Variants in SLC16A12 observed in about 807,000 individuals in gnomAD.
The protein encoded by SLC16A12 is monocarboxylate transporter 12.
In SLC16A12, 17 loss-of-function variants were observed where a neutral mutation model predicts 42.4. That is an observed-to-expected ratio of 0.40 (90% CI 0.27 to 0.60). The LOEUF (loss-of-function observed/expected upper bound fraction) is 0.60, where lower values mean the gene tolerates loss of function less well. Among genes scored for constraint, SLC16A12 ranks in the 20% least tolerant of loss-of-function variants. SLC16A12 has a pLI of 0.42. For synonymous variants in SLC16A12, 224 were observed against 229.4 expected, an observed-to-expected ratio of 0.98 and a Z score of 0.21; for missense variants, 544 against 623.0, an observed-to-expected ratio of 0.87 and a Z score of 1.35.
intron 2 of SLC16A12, among the ~76,000 whole-genome samples, chr10:89,487,086 A>C (rs537495165): frequency 2.0e-5 from 3 of 152,346 alleles, no homozygotes; most frequent in African/African-American, 7.2e-5. Flanking sequence ...TGGCTGACTG[A>C]CAAGAAAGCT....
chr10:89,520,560 T>C (rs1843334312), intron 2 of SLC16A12, among the ~76,000 whole-genome samples: 1 of 152,022 alleles, frequency 6.6e-6, no homozygotes, highest in African/African-American at 2.4e-5. Flanking sequence ...AAAAGAACAG[T>C]AGAAACAAAA....
chr10:89,530,711 G>A (rs546359807), intron 2 of SLC16A12, among the ~76,000 whole-genome samples: 6 of 152,050 alleles, frequency 3.9e-5, no homozygotes, highest in African/African-American at 1.2e-4. Context: ...GAGCCACGGC[G>A]CCCGGCTGGT....
intron 2 of SLC16A12, among the ~76,000 whole-genome samples, chr10:89,511,147 T>C (rs993484436): frequency 6.6e-6 from 1 of 152,198 alleles, no homozygotes; most frequent in Non-Finnish European, 1.5e-5. Context: ...GTAAATTAGT[T>C]CAACCATTGT....
rs1841683725 is a variant in SLC16A12, at chr10:89,430,889, C to A, written c.*2175G>T. 2.9e-6 allele frequency: 1 copy of A among 345,182 alleles called. No individual in the cohort carries two copies. Among genetic ancestry groups the A allele is most frequent in the Non-Finnish European group, 5.6e-6 (1 of 179,750 alleles). The allele number at this position is 345,182 out of a possible 1,614,324, so 21.4% of individuals were successfully genotyped here. On this transcript the variant is annotated 3_prime_UTR_variant, in exon 8 of 8. Coordinates refer to ENST00000371790, the MANE Select transcript of SLC16A12 (RefSeq NM_213606.4). ...ATGTATAAGAATATTTGTAACTATT[C>A]ATATTTTTAAACATCTTTAGGCTTG... is the stretch of plus-strand genomic sequence containing the variant.
At chr10:89,549,441 T>C (rs1191412728) in intron 2 of SLC16A12, among the ~76,000 whole-genome samples, 1 of 152,242 alleles carries the variant, frequency 6.6e-6, no homozygotes, top group African/African-American at 2.4e-5. Flanking sequence ...GTAGTAAGAT[T>C]ATTAAGAAAT....
intron 2 of SLC16A12, among the ~76,000 whole-genome samples, chr10:89,546,786 A>C (rs945448651): frequency 6.7e-6 from 1 of 150,354 alleles, no homozygotes; most frequent in Non-Finnish European, 1.5e-5. Context: ...ATCAACCCAA[A>C]TGCCCATCAA....
At chr10:89,539,693 T>C (rs1389698538), upstream of SLC16A12, among the ~76,000 whole-genome samples, 1 of 152,212 alleles carries the variant, frequency 6.6e-6, no homozygotes, top group Non-Finnish European at 1.5e-5. Flanking sequence ...GGCTTTTGCC[T>C]AAATAGAATT....
At chr10:89,479,777 G>A (rs1011970304) in intron 2 of SLC16A12, among the ~76,000 whole-genome samples, 1 of 152,116 alleles carries the variant, frequency 6.6e-6, no homozygotes, top group Non-Finnish European at 1.5e-5. Flanking sequence ...GCCTCCATGA[G>A]CCTTACATAA....
rs190510733 is a variant in SLC16A12 at position 89,438,652 on chromosome 10, A to G, written c.980T>C (p.Val327Ala). 2.9e-4 allele frequency: 470 copies of G among 1,613,462 alleles called. No homozygotes were observed. Among genetic ancestry groups the G allele is most frequent in the Non-Finnish European group, 2.0e-5 (24 of 1,179,728 alleles). ...TGTGATATTGCCAATAATGTCAATC[A>G]CTCCAAGTATGGACATAAGAAAAGC... is the stretch of plus-strand genomic sequence containing the variant. ...QAAFLMSILG[V>A]IDIIGNITFG... Residue 327 changes from valine (V) to alanine (A), a missense_variant, in exon 6 of 8, where the codon GTG (valine) becomes GCG (alanine). By Grantham distance (64) the Val-to-Ala change is moderately conservative (BLOSUM62 0). Transcript: ENST00000371790.
intron 2 of SLC16A12, among the ~76,000 whole-genome samples, chr10:89,477,635 C>T (rs1478761450): frequency 6.7e-6 from 1 of 150,162 alleles, no homozygotes; most frequent in East Asian, 1.9e-4. Flanking sequence ...TTAATATAAG[C>T]CATAAGCCAT....
intron 2 of SLC16A12, among the ~76,000 whole-genome samples, chr10:89,496,891 G>A (rs1183661363): frequency 1.3e-5 from 2 of 152,138 alleles, no homozygotes; most frequent in Non-Finnish European, 2.9e-5. Context: ...TATCAAGAAT[G>A]TAAAAGGAAC....
At chr10:89,516,136 ATTTGTTTTC>A (rs1435475214) in intron 2 of SLC16A12, among the ~76,000 whole-genome samples, 50 of 152,272 alleles carry the variant, frequency 3.3e-4, no homozygotes, top group African/African-American at 1.2e-3. Context: ...CTTATTAGTT[ATTTGTTTTC>A]TAAGACAGCA....
intron 2 of SLC16A12, among the ~76,000 whole-genome samples, chr10:89,551,729 C>T (rs1752273439): frequency 6.6e-6 from 1 of 152,172 alleles, no homozygotes; most frequent in African/African-American, 2.4e-5. Flanking sequence ...TTTGCATCTT[C>T]TTCATTTTCT....
intron 2 of SLC16A12, among the ~76,000 whole-genome samples, chr10:89,529,796 C>T (rs532747796): frequency 6.6e-6 from 1 of 152,274 alleles, no homozygotes; most frequent in East Asian, 1.9e-4. Flanking sequence ...GATCCACCCG[C>T]CTCAACCTCC....
At chr10:89,482,507 G>A (rs573529672) in intron 2 of SLC16A12, among the ~76,000 whole-genome samples, 2 of 152,312 alleles carry the variant, frequency 1.3e-5, no homozygotes, top group South Asian at 2.1e-4. Context: ...GATGCCGGGT[G>A]TGATGGCTCA....
intron 2 of SLC16A12, among the ~76,000 whole-genome samples, chr10:89,495,887 A>T (rs1589705901): frequency 6.6e-6 from 1 of 152,334 alleles, no homozygotes; most frequent in East Asian, 1.9e-4. Context: ...AACAGTTTCT[A>T]CTGAATGTGT....
At chr10:89,453,817 G>A (rs866490600) in intron 3 of SLC16A12, among the ~76,000 whole-genome samples, 7 of 152,068 alleles carry the variant, frequency 4.6e-5, no homozygotes, top group South Asian at 2.1e-4. Context: ...GTAATTATTT[G>A]TTGTGGGGGG....
chr10:89,548,960 T>C (rs1442105523), intron 2 of SLC16A12, among the ~76,000 whole-genome samples: 2 of 152,208 alleles, frequency 1.3e-5, no homozygotes, highest in African/African-American at 4.8e-5. Context: ...GAATGAGTGA[T>C]AATGAGCAGG....
chr10:89,490,638 T>A (rs2133805800), intron 2 of SLC16A12, among the ~76,000 whole-genome samples: 1 of 152,328 alleles, frequency 6.6e-6, no homozygotes, highest in East Asian at 1.9e-4. Flanking sequence ...GCAGAGCTTC[T>A]ATGCATCCCA....
Sources: gnomAD v4.1 joint callset for allele counts (sites outside exome capture counted in the v4.1 genomes callset) on GRCh38, gnomAD v4.1.1 for gene constraint, MANE v1.5 for transcripts, NCBI Gene and HGNC (gene_info 2026-07-23, HGNC 2026-07-21) for gene names.